The following RASEF variants were observed in gnomAD, a reference collection of about 807,000 sequenced individuals.
The protein encoded by RASEF is ras and EF-hand domain-containing protein.
RASEF carries 68 observed loss-of-function variants against 90.1 expected under a neutral mutation model. The observed-to-expected ratio is 0.75, with a 90% confidence interval of 0.62 to 0.92. RASEF has a LOEUF of 0.92. Among genes scored for constraint, RASEF ranks in the 40% least tolerant of loss-of-function variants. The pLI is 0.00. For synonymous variants in RASEF, 331 were observed against 345.2 expected (o/e 0.96, Z 0.46); for missense variants, 949 against 937.2 (o/e 1.01, Z -0.16).
At chr9:83,204,372 T>G in the RASEF span, among the ~76,000 whole-genome samples, 2 of 152,126 alleles carry the variant, frequency 1.3e-5, no homozygotes, top group African/African-American at 4.8e-5. Context: ...TAAAGGTGTA[T>G]GTATGTATCT....
At chr9:83,199,015 T>C in the RASEF span, among the ~76,000 whole-genome samples, 1 of 152,244 alleles carries the variant, frequency 6.6e-6, no homozygotes, top group East Asian at 1.9e-4. Context: ...AGCAATGAAA[T>C]GTCTTCATCC....
chr9:83,026,650 G>A (rs1055445010), intron 1 of RASEF, among the ~76,000 whole-genome samples: 6 of 152,194 alleles, frequency 3.9e-5, no homozygotes, highest in African/African-American at 1.4e-4. Context: ...AACCATTCAA[G>A]ATGAGATCTG....
chr9:83,017,102 G>C (rs78454086), intron 3 of RASEF, among the ~76,000 whole-genome samples: 1 of 152,060 alleles, frequency 6.6e-6, no homozygotes, highest in African/African-American at 2.4e-5. Flanking sequence ...TAATGAGGCA[G>C]CCTTCCTGGC....
chr9:83,135,674 C>A, the RASEF span, among the ~76,000 whole-genome samples: 3 of 152,038 alleles, frequency 2.0e-5, no homozygotes, highest in African/African-American at 7.3e-5. Flanking sequence ...TGGATAATCA[C>A]CAGTCAATCC....
chr9:83,102,646 G>A, the RASEF span, among the ~76,000 whole-genome samples: 2 of 152,178 alleles, frequency 1.3e-5, no homozygotes, highest in African/African-American at 4.8e-5. Flanking sequence ...AGGGAAAAAC[G>A]TGGGCAAGAG....
At chr9:83,095,879 A>G in the RASEF span, among the ~76,000 whole-genome samples, 8 of 152,126 alleles carry the variant, frequency 5.3e-5, no homozygotes, top group Non-Finnish European at 1.0e-4. Context: ...TTAAAAATAT[A>G]TAATCTGTAA....
the RASEF span, among the ~76,000 whole-genome samples, chr9:83,093,347 G>T: frequency 6.6e-6 from 1 of 152,216 alleles, no homozygotes; most frequent in Non-Finnish European, 1.5e-5. Flanking sequence ...CGGAGCAGGG[G>T]GTGGCACTTG....
At chr9:83,134,407 A>AGC in the RASEF span, among the ~76,000 whole-genome samples, 15 of 82,844 alleles carry the variant, frequency 1.8e-4, no homozygotes, top group East Asian at 2.0e-3. Context: ...TGATCACAAT[A>AGC]GCGCACACAC....
At chr9:83,008,504 TC>T (rs2118485765) in intron 6 of RASEF, among the ~76,000 whole-genome samples, 1 of 152,234 alleles carries the variant, frequency 6.6e-6, no homozygotes, top group African/African-American at 2.4e-5. Flanking sequence ...GACTCTCTTT[TC>T]CCATCTGTAA....
chr9:83,181,810 T>C, the RASEF span, among the ~76,000 whole-genome samples: 1 of 152,314 alleles, frequency 6.6e-6, no homozygotes, highest in African/African-American at 2.4e-5. Flanking sequence ...TAGGAAAAAG[T>C]AGGGAGTAAA....
chr9:83,058,214 G>T (rs553790071), intron 1 of RASEF, among the ~76,000 whole-genome samples: 1,637 of 109,516 alleles, frequency 0.015, 20 homozygotes, highest in Non-Finnish European at 0.019. Context: ...AAGGAGTCTC[G>T]CTCTGTCGCC....
At chr9:83,101,815 T>A in the RASEF span, among the ~76,000 whole-genome samples, 1 of 152,176 alleles carries the variant, frequency 6.6e-6, no homozygotes, top group African/African-American at 2.4e-5. Context: ...ATATATAACC[T>A]TGTTTTATGT....
At chr9:82,994,158 G>GA (rs34921668) in intron 14 of RASEF, among the ~76,000 whole-genome samples, 74,475 of 152,000 alleles carry the variant, frequency 0.49, 18,455 homozygotes, top group East Asian at 0.73. Flanking sequence ...TCCTTGGACT[G>GA]AAGGCTCCAG....
the RASEF span, among the ~76,000 whole-genome samples, chr9:83,102,901 C>A: frequency 6.6e-6 from 1 of 152,274 alleles, no homozygotes; most frequent in Middle Eastern, 3.4e-3. Context: ...GCAGCCGAGT[C>A]CTTTGCTGTC....
At chr9:83,210,087 T>C in the RASEF span, among the ~76,000 whole-genome samples, 1 of 152,200 alleles carries the variant, frequency 6.6e-6, no homozygotes, top group East Asian at 1.9e-4. Flanking sequence ...ATTTGCGTCA[T>C]GGAATTTTCC....
the RASEF span, among the ~76,000 whole-genome samples, chr9:83,096,238 T>A: frequency 6.6e-6 from 1 of 152,104 alleles, no homozygotes; most frequent in East Asian, 1.9e-4. Flanking sequence ...TTTTCTATCC[T>A]CCCCACATTT....
chr9:83,033,284 C>A (rs1295965285), intron 1 of RASEF, among the ~76,000 whole-genome samples: 1 of 152,130 alleles, frequency 6.6e-6, no homozygotes, highest in Non-Finnish European at 1.5e-5. Context: ...AGGAAGCCAA[C>A]CAAATTCCTT....
chr9:83,100,551 T>C, the RASEF span, among the ~76,000 whole-genome samples: 1 of 152,194 alleles, frequency 6.6e-6, no homozygotes, highest in Non-Finnish European at 1.5e-5. Flanking sequence ...CCCATCTCAT[T>C]GTCATATCAT....
At chr9:83,142,706 G>A in the RASEF span, among the ~76,000 whole-genome samples, 2 of 152,164 alleles carry the variant, frequency 1.3e-5, no homozygotes, top group African/African-American at 4.8e-5. Context: ...CACCTTTCAA[G>A]GATGGGAACC....
Sources: allele counts gnomAD v4.1 joint callset (sites outside exome capture counted in the v4.1 genomes callset), GRCh38; gene constraint gnomAD v4.1.1; transcripts MANE v1.5; gene names NCBI Gene and HGNC (gene_info 2026-07-23, HGNC 2026-07-21).